Variants in CADPS2 observed in about 807,000 individuals in gnomAD.
CADPS2 encodes the protein calcium dependent secretion activator 2.
Under a neutral mutation model 172.5 loss-of-function variants are expected in CADPS2, and 93 were observed. The observed-to-expected ratio is 0.54, with a 90% CI of 0.46 to 0.64. The LOEUF is 0.64. Among genes scored for constraint, CADPS2 ranks in the 30% least tolerant of loss-of-function variants. The pLI is 0.00. For synonymous variants in CADPS2, 546 were observed against 555.2 expected (o/e 0.98, Z 0.23); for missense variants, 1,420 against 1,565.9 (o/e 0.91, Z 1.57).
chr7:122,424,147 G>A (rs1292909505), intron 17 of CADPS2: 1 of 162,672 alleles, frequency 6.1e-6, no homozygotes, highest in Non-Finnish European at 1.3e-5. Flanking sequence ...TGCCACATTT[G>A]TTTGAAAACA....
chr7:122,674,388 T>G (rs112402311), intron 2 of CADPS2, among the ~76,000 whole-genome samples: 2 of 152,212 alleles, frequency 1.3e-5, no homozygotes, highest in African/African-American at 4.8e-5. Context: ...CCTTTCACTA[T>G]GTATGTCACA....
chr7:122,598,715 A>T (rs1483543414), intron 6 of CADPS2, among the ~76,000 whole-genome samples: 1 of 152,040 alleles, frequency 6.6e-6, no homozygotes, highest in Non-Finnish European at 1.5e-5. Flanking sequence ...CTATAGAAGC[A>T]CTCTTATTAA....
intron 7 of CADPS2, among the ~76,000 whole-genome samples, chr7:122,569,059 T>G (rs567764601): frequency 2.4e-4 from 37 of 152,148 alleles, no homozygotes; most frequent in African/African-American, 7.7e-4. Context: ...AGAAAGAAAG[T>G]GTATCCAATT....
chr7:122,799,329 G>A (rs1278371965), intron 1 of CADPS2, among the ~76,000 whole-genome samples: 1 of 152,304 alleles, frequency 6.6e-6, no homozygotes, highest in East Asian at 1.9e-4. Context: ...GCTGGGCGCG[G>A]TGGCTCACGC....
intron 3 of CADPS2, among the ~76,000 whole-genome samples, chr7:122,644,023 T>C (rs2078006604): frequency 6.6e-6 from 1 of 151,736 alleles, no homozygotes; most frequent in African/African-American, 2.4e-5. Flanking sequence ...TGAGCCAAGA[T>C]GGCGCCACTG....
intron 27 of CADPS2, among the ~76,000 whole-genome samples, chr7:122,349,018 TTAAG>T: frequency 1.3e-5 from 2 of 152,284 alleles, no homozygotes; most frequent in Non-Finnish European, 2.9e-5. Flanking sequence ...TGAATCATTA[TTAAG>T]TGTTATAAGA....
At chr7:122,837,864 G>C (rs531919451) in intron 1 of CADPS2, among the ~76,000 whole-genome samples, 1 of 152,266 alleles carries the variant, frequency 6.6e-6, no homozygotes, top group Non-Finnish European at 1.5e-5. Flanking sequence ...GGAGGAGCTG[G>C]TACCATTCCT....
intron 17 of CADPS2, among the ~76,000 whole-genome samples, chr7:122,434,052 AC>A (rs2050324015): frequency 1.3e-5 from 2 of 152,126 alleles, no homozygotes; most frequent in African/African-American, 2.4e-5. Context: ...GCCACGAACA[AC>A]CCTGAACTTC....
intron 8 of CADPS2, among the ~76,000 whole-genome samples, chr7:122,551,229 A>G (rs2064244899): frequency 6.6e-6 from 1 of 152,076 alleles, no homozygotes; most frequent in South Asian, 2.1e-4. Context: ...TCTATTCTCA[A>G]TAAACTGTGT....
intron 3 of CADPS2, among the ~76,000 whole-genome samples, chr7:122,649,253 G>C (rs1271271784): frequency 6.6e-6 from 1 of 151,810 alleles, no homozygotes; most frequent in Non-Finnish European, 1.5e-5. Flanking sequence ...TCTCCCTCAT[G>C]GTTAATTTTG....
chr7:122,597,976 G>A (rs2072125651), intron 6 of CADPS2, among the ~76,000 whole-genome samples: 3 of 151,540 alleles, frequency 2.0e-5, no homozygotes, highest in Admixed American at 2.0e-4. Flanking sequence ...AATATTATCT[G>A]GGTCCTTTGA....
chr7:122,569,568 T>G (rs547091109), intron 7 of CADPS2, among the ~76,000 whole-genome samples: 5 of 98,152 alleles, frequency 5.1e-5, no homozygotes, highest in African/African-American at 2.9e-4. Context: ...GAGCCTGCAT[T>G]GCCAAGACAA....
intron 1 of CADPS2, among the ~76,000 whole-genome samples, chr7:122,830,243 T>C (rs1423837556): frequency 4.6e-5 from 7 of 152,174 alleles, no homozygotes; most frequent in Admixed American, 3.9e-4. Context: ...AGTGCATGTC[T>C]GGCTGCAAGA....
At position 122,581,160 on chromosome 7, in the gene CADPS2, C is replaced by G; in HGVS notation, c.1335+19G>C. On this transcript the variant is annotated intron_variant, in intron 7 of 29. Coordinates refer to ENST00000449022, the MANE Select transcript of CADPS2 (RefSeq NM_017954.11). ...TTAAAACTGTTCTACCCTGGACACA[C>G]AGGCTGACCACAACTCACCCTTCCC... is the stretch of plus-strand genomic sequence containing the variant. The G allele has an allele frequency of 1.9e-6, 3 of 1,584,520 alleles. No individual in the cohort carries two copies. Among genetic ancestry groups the G allele is most frequent in the Non-Finnish European group, 2.6e-6 (3 of 1,153,428 alleles).
At chr7:122,532,557 C>T (rs1210734189) in intron 8 of CADPS2, among the ~76,000 whole-genome samples, 1 of 147,800 alleles carries the variant, frequency 6.8e-6, no homozygotes, top group African/African-American at 2.5e-5. Context: ...CCCCGCCAAC[C>T]CCACAACCTC....
chr7:122,869,695 G>GGAGTTGT, intron 1 of CADPS2, among the ~76,000 whole-genome samples: 1 of 152,182 alleles, frequency 6.6e-6, no homozygotes, highest in Non-Finnish European at 1.5e-5. Flanking sequence ...ATACTGTAAT[G>GGAGTTGT]GAGTTGTGAA....
intron 3 of CADPS2, among the ~76,000 whole-genome samples, chr7:122,643,643 C>T (rs937038803): frequency 2.0e-5 from 3 of 151,818 alleles, no homozygotes; most frequent in East Asian, 3.9e-4. Flanking sequence ...ATATGATTCT[C>T]ATTACCCTTG....
chr7:122,819,298 A>G (rs1802428151), intron 1 of CADPS2, among the ~76,000 whole-genome samples: 2 of 152,078 alleles, frequency 1.3e-5, no homozygotes, highest in South Asian at 4.2e-4. Context: ...GGACTGTTCA[A>G]CTCACCTGGC....
At chr7:122,645,605 T>TATAC (rs1554688448) in intron 3 of CADPS2, among the ~76,000 whole-genome samples, 8 of 134,696 alleles carry the variant, frequency 5.9e-5, no homozygotes, top group African/African-American at 1.9e-4. Context: ...TATATATATA[T>TATAC]ACACACACAC....
Sources: allele counts gnomAD v4.1 joint callset (sites outside exome capture counted in the v4.1 genomes callset), GRCh38; gene constraint gnomAD v4.1.1; transcripts MANE v1.5; gene names NCBI Gene and HGNC (gene_info 2026-07-23, HGNC 2026-07-21).